The following ATR variants were observed in gnomAD, a reference collection of about 807,000 sequenced individuals.
ATR encodes serine/threonine-protein kinase ATR.
Under a neutral mutation model 305.3 loss-of-function variants are expected in ATR, and 142 were observed. The ratio of observed to expected loss-of-function variants is 0.47; its 90% confidence interval spans 0.41 to 0.53. ATR has a LOEUF of 0.53. ATR is among the 20% of genes least tolerant of loss of function. The pLI, the probability that ATR is intolerant of heterozygous loss-of-function variation, is 0.00. For synonymous variants in ATR, 1,050 were observed against 1,068.1 expected (o/e 0.98, Z 0.33); for missense variants, 2,135 against 3,133.1 (o/e 0.68, Z 7.60).
chr3:142,451,592 G>A lies in ATR; in HGVS notation c.7761+1536C>T, dbSNP rs1049668430. The A allele has an allele frequency of 3.8e-6, 5 of 1,305,860 alleles. No individual in the cohort carries two copies. The Admixed American group carries it at 9.7e-5, about 25-fold the overall frequency. 80.9% of individuals were successfully genotyped at this position (1,305,860 alleles called of 1,614,324 possible). On this transcript the variant is annotated intron_variant, in intron 46 of 46. Coordinates refer to ENST00000350721, the MANE Select transcript of ATR (RefSeq NM_001184.4). ...CATCCCAGCAGTTGGAAGGATCTGA[G>A]TATGATGCCAAGGGTCTCACTCTGT...
chr3:142,488,897 A>C (rs187963012), intron 35 of ATR, among the ~76,000 whole-genome samples: 2 of 152,308 alleles, frequency 1.3e-5, no homozygotes, highest in East Asian at 1.9e-4. Context: ...CCATTCATAC[A>C]TGTATTCTAG....
chr3:142,528,503 A>C (rs1378199429), intron 21 of ATR, among the ~76,000 whole-genome samples: 1 of 152,098 alleles, frequency 6.6e-6, no homozygotes, highest in African/African-American at 2.4e-5. Context: ...TTGGTGGCAG[A>C]ATGAGAATTC....
At chr3:142,537,642 G>C (rs944715146) in intron 19 of ATR, among the ~76,000 whole-genome samples, 8 of 151,978 alleles carry the variant, frequency 5.3e-5, no homozygotes, top group Non-Finnish European at 2.9e-5. Context: ...TGACTAAAGG[G>C]ACCAGCAATA....
At chr3:142,458,322 C>A (rs1328365885) in intron 44 of ATR, among the ~76,000 whole-genome samples, 1 of 152,130 alleles carries the variant, frequency 6.6e-6, no homozygotes, top group Non-Finnish European at 1.5e-5. Flanking sequence ...TATGGTTTAA[C>A]CCATGCCAGT....
intron 24 of ATR, among the ~76,000 whole-genome samples, chr3:142,518,329 C>T (rs2032995948): frequency 6.6e-6 from 1 of 152,138 alleles, no homozygotes; most frequent in Non-Finnish European, 1.5e-5. Flanking sequence ...CCAGCCTGGC[C>T]AATATGATGA....
intron 27 of ATR, among the ~76,000 whole-genome samples, chr3:142,512,023 C>A (rs1236929087): frequency 6.6e-6 from 1 of 151,870 alleles, no homozygotes; most frequent in Admixed American, 6.6e-5. Flanking sequence ...GAGGCTGAGG[C>A]AGGAGAATTG....
intron 46 of ATR, chr3:142,450,783 G>C (rs755397281): frequency 6.9e-7 from 1 of 1,451,158 alleles, no homozygotes; most frequent in South Asian, 1.3e-5. Context: ...ATCACACTGC[G>C]TGGACAGAAC....
At chr3:142,564,075 C>T (rs899463663) in intron 3 of ATR, among the ~76,000 whole-genome samples, 4 of 152,196 alleles carry the variant, frequency 2.6e-5, no homozygotes, top group Non-Finnish European at 5.9e-5. Context: ...AATATTACAA[C>T]TTGTTGAAGG....
chr3:142,457,850 C>A, intron 44 of ATR, 95 bp from the exon 45 acceptor site: 2 of 1,309,900 alleles, frequency 1.5e-6, no homozygotes, highest in Non-Finnish European at 2.1e-6. Flanking sequence ...TAGCAAAAAG[C>A]AAAAATACCC....
At chr3:142,491,319 AGGCAAC>A (rs1233675773) in intron 35 of ATR, among the ~76,000 whole-genome samples, 1 of 152,168 alleles carries the variant, frequency 6.6e-6, no homozygotes, top group Non-Finnish European at 1.5e-5. Flanking sequence ...CATCATGTAT[AGGCAAC>A]CAGAACAAGA....
Position 142,462,090 on chromosome 3 carries a change from A to G in ATR, c.7042T>C (p.Cys2348Arg). The G allele has an allele frequency of 6.2e-7, 1 of 1,610,698 alleles. No homozygotes were observed. The highest frequency in any genetic ancestry group is 1.1e-5 in the South Asian group (1 of 90,908). Residue 2348 changes from cysteine (C) to arginine (R), a missense_variant and splice_region_variant, in exon 42 of 47, where the codon TGC becomes CGC. Physicochemically the swap from Cys to Arg is radical, Grantham distance 180 (BLOSUM62 -3). Around this residue, in one of 9 missense-constraint regions of ATR, gnomAD observed 462 missense variants for 887.6 expected, o/e 0.52. Transcript: ENST00000350721. ...CGAGACTCTGCATCTTTTCTTAAGC[A>G]CTGTTAAAAAATACACATAAATTTA... ...LMEFNSLINK[C>R]LRKDAESRRR...
chr3:142,457,496 C>G, intron 45 of ATR, 108 bp downstream of exon 45: 1 of 1,306,310 alleles, frequency 7.7e-7, no homozygotes, highest in African/African-American at 1.5e-5. Context: ...TTTAAAAAAA[C>G]TATTTCAGTC....
chr3:142,505,091 C>A (rs2108354738), intron 29 of ATR, 48 bp downstream of exon 29: 1 of 1,603,800 alleles, frequency 6.2e-7, no homozygotes, highest in Non-Finnish European at 8.5e-7. Context: ...TCCAGAGTTC[C>A]TATTCAGGGC....
chr3:142,503,041 G>T (rs1359967779), intron 30 of ATR, among the ~76,000 whole-genome samples: 2 of 152,136 alleles, frequency 1.3e-5, no homozygotes, highest in African/African-American at 4.8e-5. Flanking sequence ...AAAATAAGTG[G>T]TACTGATACT....
At chr3:142,491,395 C>G (rs2108322553) in intron 35 of ATR, among the ~76,000 whole-genome samples, 1 of 152,252 alleles carries the variant, frequency 6.6e-6, no homozygotes, top group South Asian at 2.1e-4. Context: ...AGAAACAGAA[C>G]CTGAAAAGTT....
At chr3:142,500,107 A>C in intron 30 of ATR, 1 of 186,018 alleles carries the variant, frequency 5.4e-6, no homozygotes, top group South Asian at 1.0e-4. Flanking sequence ...AGAGGTAAGC[A>C]ATTCCAATAA....
chr3:142,530,351 T>TA (rs2033589250), intron 21 of ATR, among the ~76,000 whole-genome samples: 1 of 152,334 alleles, frequency 6.6e-6, no homozygotes, highest in South Asian at 2.1e-4. Flanking sequence ...AATATTCAAT[T>TA]AAAGTTATAC....
chr3:142,568,996 C>T (rs2108499051), intron 1 of ATR, among the ~76,000 whole-genome samples: 1 of 152,204 alleles, frequency 6.6e-6, no homozygotes, highest in Non-Finnish European at 1.5e-5. Context: ...GAAGTAGGCT[C>T]CTGGGAGGAA....
intron 24 of ATR, among the ~76,000 whole-genome samples, chr3:142,517,477 T>C (rs1368942271): frequency 6.6e-6 from 1 of 152,122 alleles, no homozygotes; most frequent in African/African-American, 2.4e-5. Context: ...AGCTATAAAA[T>C]TGAGCTACAG....
Sources: allele counts gnomAD v4.1 joint callset (sites outside exome capture counted in the v4.1 genomes callset), GRCh38; gene constraint gnomAD v4.1.1; regional missense constraint gnomAD v4.1.1; transcripts MANE v1.5; gene names NCBI Gene and HGNC (gene_info 2026-07-23, HGNC 2026-07-21).